Variants in CNTNAP2 observed in about 807,000 individuals in gnomAD.
The protein encoded by CNTNAP2 is contactin associated protein 2, also known as contactin-associated protein-like 2.
Under a neutral mutation model 155.2 loss-of-function variants are expected in CNTNAP2, and 98 were observed. The ratio of observed to expected loss-of-function variants is 0.63; its 90% CI spans 0.54 to 0.75. The LOEUF is 0.75. Among genes scored for constraint, CNTNAP2 ranks in the 30% least tolerant of loss-of-function variants. The pLI is 0.00. For missense variants in CNTNAP2, 1,727 were observed against 1,688.1 expected, an observed-to-expected ratio of 1.02 and a Z score of -0.40; for synonymous variants, 651 against 631.2, an observed-to-expected ratio of 1.03 and a Z score of -0.47.
At chr7:147,404,533 C>T (rs957343288) in intron 10 of CNTNAP2, among the ~76,000 whole-genome samples, 2 of 152,180 alleles carry the variant, frequency 1.3e-5, no homozygotes, top group African/African-American at 2.4e-5. Context: ...AATCGCTATG[C>T]TCTATCTTAG....
chr7:147,355,493 G>T (rs1181554176), intron 9 of CNTNAP2, among the ~76,000 whole-genome samples: 3 of 152,032 alleles, frequency 2.0e-5, no homozygotes, highest in Non-Finnish European at 4.4e-5. Context: ...AAAAAGCACG[G>T]AATCTAGGAG....
rs147287494 is a variant in CNTNAP2 at position 148,373,988 on chromosome 7, C to T, written c.3476-9661C>T. On this transcript the variant is annotated intron_variant, in intron 21 of 23. Transcript: ENST00000361727. ...AACATCATTTTATATGGCAAGGTCC[C>T]GAGATTCTAATTTTTTCTTGTGTTA... 3.3e-4 allele frequency among the ~76,000 whole-genome samples: 50 copies of T among 152,258 alleles called. 1 individual carries two copies. The East Asian group carries it at 3.7e-3, about 11-fold the overall frequency.
At chr7:146,731,591 A>G (rs1346162512) in intron 1 of CNTNAP2, among the ~76,000 whole-genome samples, 2 of 152,150 alleles carry the variant, frequency 1.3e-5, no homozygotes, top group African/African-American at 2.4e-5. Context: ...TAGGCTGTTG[A>G]TACAACTCAC....
intron 8 of CNTNAP2, among the ~76,000 whole-genome samples, chr7:147,179,677 C>T (rs779614459): frequency 2.0e-5 from 3 of 151,922 alleles, no homozygotes; most frequent in East Asian, 1.9e-4. Context: ...AGAGTGGGCA[C>T]AGGAGATGAG....
At chr7:148,277,204 A>G (rs1585235807) in intron 21 of CNTNAP2, among the ~76,000 whole-genome samples, 1 of 152,218 alleles carries the variant, frequency 6.6e-6, no homozygotes, top group East Asian at 1.9e-4. Flanking sequence ...TTGAGTTTGC[A>G]TGGCCAGGCA....
intron 13 of CNTNAP2, among the ~76,000 whole-genome samples, chr7:147,772,967 C>T (rs1797498422): frequency 6.6e-6 from 1 of 152,168 alleles, no homozygotes; most frequent in South Asian, 2.1e-4. Flanking sequence ...AGCCATTCCC[C>T]TAAAATGACT....
intron 3 of CNTNAP2, among the ~76,000 whole-genome samples, chr7:146,979,107 T>C (rs1410614051): frequency 6.6e-6 from 1 of 152,132 alleles, no homozygotes; most frequent in Non-Finnish European, 1.5e-5. Flanking sequence ...CAAGTGACTT[T>C]CCCCCAGTAT....
intron 21 of CNTNAP2, among the ~76,000 whole-genome samples, chr7:148,330,397 G>A (rs1797968407): frequency 6.6e-6 from 1 of 151,464 alleles, no homozygotes; most frequent in Non-Finnish European, 1.5e-5. Context: ...GGATAGAGTG[G>A]AGGGATGGAG....
chr7:146,650,135 G>A (rs1233926911), intron 1 of CNTNAP2, among the ~76,000 whole-genome samples: 2 of 152,092 alleles, frequency 1.3e-5, no homozygotes, highest in Non-Finnish European at 2.9e-5. Flanking sequence ...AAGACAGTGT[G>A]GTGATTCCTC....
intron 1 of CNTNAP2, among the ~76,000 whole-genome samples, chr7:146,739,228 T>C (rs770599601): frequency 6.6e-6 from 1 of 151,974 alleles, no homozygotes; most frequent in East Asian, 1.9e-4. Flanking sequence ...CAATGTTAGG[T>C]CATTTACTTG....
chr7:146,287,816 T>A (rs531075271), intron 1 of CNTNAP2, among the ~76,000 whole-genome samples: 1 of 152,306 alleles, frequency 6.6e-6, no homozygotes, highest in African/African-American at 2.4e-5. Flanking sequence ...GATATCTCAT[T>A]TGAGCCTTGG....
At chr7:147,331,601 C>T (rs1382546840) in intron 9 of CNTNAP2, among the ~76,000 whole-genome samples, 2 of 152,040 alleles carry the variant, frequency 1.3e-5, no homozygotes, top group Admixed American at 6.5e-5. Flanking sequence ...ACAGAGGAGA[C>T]AGAGACACAA....
intron 13 of CNTNAP2, among the ~76,000 whole-genome samples, chr7:147,770,044 G>A (rs1216303435): frequency 6.6e-6 from 1 of 152,182 alleles, no homozygotes; most frequent in Non-Finnish European, 1.5e-5. Context: ...GTCCTTATGT[G>A]TGTGTGTGTG....
In CNTNAP2 at chr7:146,483,283, ATATATATATATATATATATATAT is replaced by A. The variant is rs1240329403; in HGVS notation, c.98-290987_98-290965del. Among the ~76,000 whole-genome samples the A allele has an allele frequency of 5.7e-4, 36 of 62,728 alleles. 1 individual carries two copies. The highest frequency in any genetic ancestry group is 5.0e-3 in the Admixed American group (27 of 5,446). The allele number at this position is 62,728 out of a possible 152,430, so 41.2% of individuals were successfully genotyped here. ...AGAGCAAGACTCCGTCTAAAAAAAA[ATATATATATATATATATATATAT>A]ATATATATATATATATATATATACA... On this transcript the variant is annotated intron_variant, in intron 1 of 23. Transcript: ENST00000361727.
At chr7:146,151,220 A>T (rs1184760396) in intron 1 of CNTNAP2, among the ~76,000 whole-genome samples, 1 of 152,078 alleles carries the variant, frequency 6.6e-6, no homozygotes, top group African/African-American at 2.4e-5. Context: ...TTGGGTGGGG[A>T]CACTAAGCCT....
chr7:147,905,522 G>T (rs1227768843), intron 14 of CNTNAP2, among the ~76,000 whole-genome samples: 1 of 152,216 alleles, frequency 6.6e-6, no homozygotes, highest in Non-Finnish European at 1.5e-5. Flanking sequence ...ACACACATGT[G>T]CACACACAAA....
chr7:146,746,089 A>G (rs538776162), intron 1 of CNTNAP2, among the ~76,000 whole-genome samples: 23 of 152,308 alleles, frequency 1.5e-4, no homozygotes, highest in Admixed American at 9.8e-4. Context: ...TCCAAAAGGG[A>G]GTAGAGTGGA....
intron 1 of CNTNAP2, among the ~76,000 whole-genome samples, chr7:146,614,844 G>A (rs1221483700): frequency 1.3e-5 from 2 of 152,050 alleles, no homozygotes; most frequent in East Asian, 1.9e-4. Context: ...CCAGTGAATC[G>A]TGTCATTACC....
intron 9 of CNTNAP2, among the ~76,000 whole-genome samples, chr7:147,369,790 G>T (rs139954299): frequency 6.6e-6 from 1 of 152,154 alleles, no homozygotes; most frequent in African/African-American, 2.4e-5. Context: ...GATTAATATT[G>T]CAGCATATCT....
Sources: gnomAD v4.1 joint callset for allele counts (sites outside exome capture counted in the v4.1 genomes callset) on GRCh38, gnomAD v4.1.1 for gene constraint, MANE v1.5 for transcripts, NCBI Gene and HGNC (gene_info 2026-07-23, HGNC 2026-07-21) for gene names.